SDK1: variants seen among roughly 807,000 people sequenced by gnomAD.
The protein encoded by SDK1 is protein sidekick-1.
In SDK1, 157 loss-of-function variants were observed where a neutral mutation model predicts 245.5. The observed-to-expected ratio is 0.64, with a 90% confidence interval of 0.56 to 0.73. SDK1 has a LOEUF of 0.73. Among genes scored for constraint, SDK1 ranks in the 30% least tolerant of loss-of-function variants. The pLI is 0.00. For synonymous variants in SDK1, 1,647 were observed against 1,278.5 expected (o/e 1.29, Z -6.15); for missense variants, 3,583 against 3,002.3 (o/e 1.19, Z -4.52).
At chr7:4,111,480 A>G (rs966536167) in intron 23 of SDK1, among the ~76,000 whole-genome samples, 7 of 152,192 alleles carry the variant, frequency 4.6e-5, no homozygotes, top group African/African-American at 1.7e-4. Context: ...GTGAAATTAC[A>G]TCTTTATGAA....
chr7:4,068,157 C>T (rs1780019967), intron 20 of SDK1, among the ~76,000 whole-genome samples: 1 of 152,176 alleles, frequency 6.6e-6, no homozygotes, highest in South Asian at 2.1e-4. Flanking sequence ...GGGCAGCAGC[C>T]ATAGTTTGAG....
intron 30 of SDK1, among the ~76,000 whole-genome samples, chr7:4,154,083 A>G (rs1023743368): frequency 6.6e-6 from 1 of 152,310 alleles, no homozygotes; most frequent in Non-Finnish European, 1.5e-5. Flanking sequence ...CCATTTTATA[A>G]TAGAACCAAA....
chr7:3,759,307 AT>A (rs1463589730), intron 4 of SDK1, among the ~76,000 whole-genome samples: 2 of 152,222 alleles, frequency 1.3e-5, no homozygotes, highest in Non-Finnish European at 2.9e-5. Context: ...GGGAATGCTC[AT>A]GTTGGTGGCT....
intron 1 of SDK1, among the ~76,000 whole-genome samples, chr7:3,388,766 T>C (rs528118691): frequency 6.6e-6 from 1 of 151,938 alleles, no homozygotes; most frequent in African/African-American, 2.4e-5. Flanking sequence ...TGGGATGCAA[T>C]TTTAAATGAG....
chr7:3,441,612 A>G lies in SDK1; in HGVS notation c.298+139728A>G, dbSNP rs190960729. ...ACTCTATTTTGATTGCTGTCACTTCATCATAATTCCTGAAGTCAGGTATCA... is the reference window on the plus strand; with the variant it reads ...ACTCTATTTTGATTGCTGTCACTTCGTCATAATTCCTGAAGTCAGGTATCA... On this transcript the variant is annotated intron_variant, in intron 1 of 44. Transcript: ENST00000404826. Among the ~76,000 whole-genome samples, 24 of 152,304 alleles carry G rather than the reference A, an allele frequency of 1.6e-4. No homozygotes were observed. In the East Asian group the frequency reaches 4.4e-3, roughly 28 times the overall value.
intron 13 of SDK1, among the ~76,000 whole-genome samples, chr7:3,977,893 T>G (rs1480365934): frequency 6.6e-6 from 1 of 152,234 alleles, no homozygotes; most frequent in African/African-American, 2.4e-5. Flanking sequence ...AATGTGTGTC[T>G]GCCTTGGTGG....
At chr7:3,369,914 G>A (rs547450057) in intron 1 of SDK1, among the ~76,000 whole-genome samples, 50 of 152,288 alleles carry the variant, frequency 3.3e-4, no homozygotes, top group Middle Eastern at 3.4e-3. Context: ...TGTACAGTGC[G>A]GACTGGGAGC....
chr7:3,574,890 A>G (rs1780235609), intron 1 of SDK1, among the ~76,000 whole-genome samples: 2 of 152,034 alleles, frequency 1.3e-5, no homozygotes, highest in African/African-American at 2.4e-5. Flanking sequence ...CACGAAAGGC[A>G]TTTTCTCTGA....
chr7:3,888,153 C>T (rs557183315), intron 5 of SDK1, among the ~76,000 whole-genome samples: 69 of 152,262 alleles, frequency 4.5e-4, no homozygotes, highest in Non-Finnish European at 6.9e-4. Flanking sequence ...TGATAGATGC[C>T]GCACCTTCTG....
intron 1 of SDK1, among the ~76,000 whole-genome samples, chr7:3,306,229 G>T (rs186219242): frequency 4.6e-5 from 7 of 152,256 alleles, no homozygotes; most frequent in African/African-American, 1.4e-4. Context: ...ACATAATTTG[G>T]AAAATAGAGA....
In SDK1 at chr7:4,049,329, A is replaced by G; in HGVS notation, c.2603-19A>G. The G allele has an allele frequency of 2.5e-6, 4 of 1,600,226 alleles. No individual in the cohort carries two copies. The highest frequency in any genetic ancestry group is 2.7e-5 in the African/African-American group (2 of 74,746). ...TCCTGCCATTTGTTCTGCTGTCATC[A>G]ATGACTGCCCTGCCACAGTGCCCAC... On this transcript the variant is annotated intron_variant, in intron 17 of 44. Transcript: ENST00000404826.
chr7:3,588,888 AT>A (rs1780771144), intron 1 of SDK1, among the ~76,000 whole-genome samples: 3 of 152,198 alleles, frequency 2.0e-5, no homozygotes, highest in Admixed American at 1.3e-4. Flanking sequence ...CTTCATAGTC[AT>A]TTTTATGTGT....
intron 4 of SDK1, among the ~76,000 whole-genome samples, chr7:3,760,911 TTGTC>T (rs1214534653): frequency 1.3e-5 from 2 of 152,230 alleles, no homozygotes; most frequent in African/African-American, 4.8e-5. Flanking sequence ...AAGTATTTCA[TTGTC>T]TGGAATGTAT....
chr7:3,837,277 A>G (rs766579005), intron 5 of SDK1, among the ~76,000 whole-genome samples: 12 of 152,120 alleles, frequency 7.9e-5, no homozygotes, highest in Non-Finnish European at 1.8e-4. Context: ...CTTGTGTTTT[A>G]TTTAGCCCAC....
chr7:3,445,698 C>G (rs551300312), intron 1 of SDK1, among the ~76,000 whole-genome samples: 3 of 152,192 alleles, frequency 2.0e-5, no homozygotes, highest in African/African-American at 7.2e-5. Context: ...TCTTCTTACC[C>G]CACACTGTTT....
intron 4 of SDK1, among the ~76,000 whole-genome samples, chr7:3,750,968 CG>C (rs1283205763): frequency 1.3e-5 from 2 of 152,236 alleles, no homozygotes; most frequent in Non-Finnish European, 2.9e-5. Context: ...TACCTCCCTG[CG>C]GGTGCAGAAT....
chr7:3,593,258 C>G (rs916596836), intron 1 of SDK1, among the ~76,000 whole-genome samples: 1 of 152,144 alleles, frequency 6.6e-6, no homozygotes, highest in Non-Finnish European at 1.5e-5. Context: ...TGTCTTATTT[C>G]TACATAGAAG....
At chr7:3,945,899 TAAAAAAAAAAAAAAAAAAAA>T (rs754101246) in intron 5 of SDK1, among the ~76,000 whole-genome samples, 4 of 13,678 alleles carry the variant, frequency 2.9e-4, no homozygotes, top group African/African-American at 4.9e-4. Flanking sequence ...ACTCTGTCTG[TAAAAAAAAAAAAAAAAAAAA>T]AAAAAAAAAA....
intron 5 of SDK1, among the ~76,000 whole-genome samples, chr7:3,904,238 A>G (rs1267266325): frequency 6.6e-6 from 1 of 152,234 alleles, no homozygotes; most frequent in Non-Finnish European, 1.5e-5. Context: ...AAAATACACA[A>G]ATCTATAGAG....
Sources: allele counts gnomAD v4.1 joint callset (sites outside exome capture counted in the v4.1 genomes callset), GRCh38; gene constraint gnomAD v4.1.1; transcripts MANE v1.5; gene names NCBI Gene and HGNC (gene_info 2026-07-23, HGNC 2026-07-21).